SAMD8: variants seen among roughly 807,000 people sequenced by gnomAD.
The protein encoded by SAMD8 is sphingomyelin synthase-related protein 1.
SAMD8 carries 20 observed loss-of-function variants against 42.0 expected under a neutral mutation model. The ratio of observed to expected loss-of-function variants is 0.48; its 90% CI spans 0.34 to 0.69. The LOEUF (loss-of-function observed/expected upper bound fraction) is 0.69, where lower values mean the gene tolerates loss of function less well. Among genes scored for constraint, SAMD8 ranks in the 30% least tolerant of loss-of-function variants. The pLI is 0.01. For missense variants in SAMD8, 328 were observed against 511.6 expected, an observed-to-expected ratio of 0.64 and a Z score of 3.46; for synonymous variants, 162 against 173.0, an observed-to-expected ratio of 0.94 and a Z score of 0.50.
At chr10:75,101,920 G>A (rs1368460105) in intron 1 of SAMD8, 18 of 1,367,700 alleles carry the variant, frequency 1.3e-5, no homozygotes, top group Non-Finnish European at 1.3e-5. Context: ...AGTTCGTGCT[G>A]CTGGCTTTCA....
At chr10:75,113,980 A>G (rs1848824323) in intron 1 of SAMD8, among the ~76,000 whole-genome samples, 1 of 152,194 alleles carries the variant, frequency 6.6e-6, no homozygotes, top group South Asian at 2.1e-4. Flanking sequence ...ACATATTAGC[A>G]TGTCTAATAG....
At chr10:75,118,525 T>G (rs1848934956) in intron 1 of SAMD8, among the ~76,000 whole-genome samples, 1 of 152,108 alleles carries the variant, frequency 6.6e-6, no homozygotes, top group Non-Finnish European at 1.5e-5. Flanking sequence ...GCCCCTATAG[T>G]CCCAGCTACT....
At chr10:75,140,231 A>G (rs1839983118) in intron 1 of SAMD8, among the ~76,000 whole-genome samples, 1 of 152,172 alleles carries the variant, frequency 6.6e-6, no homozygotes, top group African/African-American at 2.4e-5. Context: ...TAGCCTCCTG[A>G]TTAGCTGGGA....
chr10:75,162,220 G>A (rs1410337698), intron 2 of SAMD8, among the ~76,000 whole-genome samples: 1 of 152,162 alleles, frequency 6.6e-6, no homozygotes, highest in Non-Finnish European at 1.5e-5. Flanking sequence ...TTAGCTGGGC[G>A]TGGTGGTGGG....
intron 1 of SAMD8, among the ~76,000 whole-genome samples, chr10:75,141,343 C>T (rs756942816): frequency 7.4e-5 from 11 of 147,958 alleles, no homozygotes; most frequent in Non-Finnish European, 1.6e-4. Flanking sequence ...GACAGAGTGA[C>T]ACCCTGTCTC....
chr10:75,105,098 C>T (rs1848415428), intron 1 of SAMD8, among the ~76,000 whole-genome samples: 1 of 152,152 alleles, frequency 6.6e-6, no homozygotes, highest in Non-Finnish European at 1.5e-5. Context: ...GAGGCAGGCC[C>T]TGCTGGGTGG....
chr10:75,109,279 G>C, upstream of SAMD8: 2 of 1,217,598 alleles, frequency 1.6e-6, no homozygotes, highest in African/African-American at 1.6e-5. Context: ...CAAGTCACAG[G>C]GGCCTCTGGA....
At chr10:75,160,296 A>G (rs1007482301) in intron 2 of SAMD8, among the ~76,000 whole-genome samples, 3 of 151,582 alleles carry the variant, frequency 2.0e-5, no homozygotes, top group Non-Finnish European at 4.4e-5. Flanking sequence ...TCCTGGGTTC[A>G]CGCCATTCTC....
chr10:75,122,988 A>G (rs1849038939), intron 1 of SAMD8, among the ~76,000 whole-genome samples: 1 of 152,066 alleles, frequency 6.6e-6, no homozygotes, highest in Non-Finnish European at 1.5e-5. Context: ...AATTTTATAT[A>G]TTGCTGAATT....
upstream of SAMD8, chr10:75,108,978 C>T (rs375093906): frequency 1.7e-5 from 26 of 1,571,676 alleles, no homozygotes; most frequent in Middle Eastern, 3.4e-4. Context: ...CACGTCCCCA[C>T]CCCCATGCCC....
rs147677223 is a variant in SAMD8, at chr10:75,143,309, A to G, written c.-15-7205A>G. On this transcript the variant is annotated intron_variant, in intron 1 of 5. Coordinates refer to ENST00000542569, the MANE Select transcript of SAMD8 (RefSeq NM_001174156.2). ...TGATAGAGTGAGACTCTGTCTCATA[A>G]ATAAATAAACTAACTAACTTAAATA... Among the ~76,000 whole-genome samples the G allele has an allele frequency of 3.4e-3, 516 of 152,352 alleles. 2 individuals are homozygous for G. The highest frequency in any genetic ancestry group is 0.011 in the African/African-American group (478 of 41,580).
intron 2 of SAMD8, among the ~76,000 whole-genome samples, chr10:75,153,986 C>T (rs1225780828): frequency 6.6e-6 from 1 of 152,080 alleles, no homozygotes; most frequent in East Asian, 1.9e-4. Context: ...AGGCTGGTCT[C>T]GAACTCCTGA....
rs1330830920 is a variant in SAMD8, at chr10:75,148,760, CA to C, written c.-15-1753del. 2.6e-5 allele frequency among the ~76,000 whole-genome samples: 4 copies of C among 152,122 alleles called. No individual in the cohort carries two copies. The East Asian group carries it at 7.7e-4, about 29-fold the overall frequency. Reference sequence around the variant, plus strand: ...TAAACACTCAAATCAAGAATTATTACATTGTGGGAAAAGGAAGAGGATGCTG... The same window carrying C: ...TAAACACTCAAATCAAGAATTATTACTTGTGGGAAAAGGAAGAGGATGCTG... On this transcript the variant is annotated intron_variant, in intron 1 of 5. Transcript: ENST00000542569.
intron 1 of SAMD8, among the ~76,000 whole-genome samples, chr10:75,149,804 T>G (rs4746268): frequency 0.053 from 8,051 of 152,170 alleles, 319 homozygotes; most frequent in African/African-American, 0.11. Flanking sequence ...TTTTTCTCAG[T>G]TCTCGAGTAG....
intron 1 of SAMD8, among the ~76,000 whole-genome samples, chr10:75,131,874 G>A (rs1227894298): frequency 6.6e-6 from 1 of 152,122 alleles, no homozygotes; most frequent in Non-Finnish European, 1.5e-5. Context: ...AAGCCTCACT[G>A]TGCATTAGAA....
chr10:75,108,500 G>A (rs1848656948), upstream of SAMD8, among the ~76,000 whole-genome samples: 1 of 152,130 alleles, frequency 6.6e-6, no homozygotes, highest in Non-Finnish European at 1.5e-5. Flanking sequence ...TTCAGCCCTG[G>A]AACCTGGCTG....
Position 75,143,997 on chromosome 10 carries a change from T to C in SAMD8, c.-15-6517T>C, listed in dbSNP as rs112760551. Reference sequence around the variant, plus strand: ...TTTTTTTTTTTTTGGAGTTGGAGTCTTGCTCTGTCACCCAGGCTGAAGTGC... The same window carrying C: ...TTTTTTTTTTTTTGGAGTTGGAGTCCTGCTCTGTCACCCAGGCTGAAGTGC... On this transcript the variant is annotated intron_variant, in intron 1 of 5. Transcript: ENST00000542569. Among the ~76,000 whole-genome samples, 559 of 151,460 alleles carry C rather than the reference T, an allele frequency of 3.7e-3. 3 individuals are homozygous for C. The highest frequency in any genetic ancestry group is 0.013 in the African/African-American group (539 of 41,236).
chr10:75,156,248 C>G (rs1403222481), intron 2 of SAMD8, among the ~76,000 whole-genome samples: 1 of 145,342 alleles, frequency 6.9e-6, no homozygotes, highest in Non-Finnish European at 1.5e-5. Flanking sequence ...TAAATACATA[C>G]CATTCCTCAC....
chr10:75,122,736 T>C (rs1031337910), intron 1 of SAMD8, among the ~76,000 whole-genome samples: 1 of 152,048 alleles, frequency 6.6e-6, no homozygotes, highest in African/African-American at 2.4e-5. Context: ...CTGGGCAACA[T>C]AGCAAGACCC....
Sources: gnomAD v4.1 joint callset for allele counts (sites outside exome capture counted in the v4.1 genomes callset) on GRCh38, gnomAD v4.1.1 for gene constraint, MANE v1.5 for transcripts, NCBI Gene and HGNC (gene_info 2026-07-23, HGNC 2026-07-21) for gene names.